Variants in ASRGL1 observed in about 807,000 individuals in gnomAD.
ASRGL1 encodes asparaginase and isoaspartyl peptidase 1.
Under a neutral mutation model 22.4 loss-of-function variants are expected in ASRGL1, and 16 were observed. The observed-to-expected ratio is 0.71, with a 90% CI of 0.48 to 1.08. The LOEUF is 1.08. ASRGL1 is among the 50% of genes least tolerant of loss of function. ASRGL1 has a pLI of 0.00. For synonymous variants in ASRGL1, 165 were observed against 159.3 expected, an observed-to-expected ratio of 1.04 and a Z score of -0.27; for missense variants, 412 against 410.1, an observed-to-expected ratio of 1.00 and a Z score of -0.04.
chr11:62,392,499 G>A lies in ASRGL1; in HGVS notation c.*215G>A, dbSNP rs1261698083. Reference sequence around the variant, plus strand: ...TAGGAGGATTACTTGAGCCCAGGAGGTCAAAGCTGAGGTGAGCCATGATTA... The same window carrying A: ...TAGGAGGATTACTTGAGCCCAGGAGATCAAAGCTGAGGTGAGCCATGATTA... On this transcript the variant is annotated 3_prime_UTR_variant, in exon 7 of 7. Coordinates refer to ENST00000415229, the MANE Select transcript of ASRGL1 (RefSeq NM_001083926.2). 1.7e-6 allele frequency: 1 copy of A among 599,092 alleles called. No individual in the cohort carries two copies. The highest frequency in any genetic ancestry group is 2.9e-6 in the Non-Finnish European group (1 of 342,132). The allele number at this position is 599,092 out of a possible 1,614,324, so 37.1% of individuals were successfully genotyped here. A position where few individuals can be genotyped will look rare whatever the true frequency, so the allele number is the denominator to read the frequency against.
chr11:62,371,570 C>G, intron 4 of ASRGL1: 1 of 692,372 alleles, frequency 1.4e-6, no homozygotes, highest in Admixed American at 1.8e-5. Context: ...CAATACACTG[C>G]GGAAGGCCAC....
chr11:62,380,621 A>G (rs1311432936), intron 4 of ASRGL1, among the ~76,000 whole-genome samples: 1 of 152,128 alleles, frequency 6.6e-6, no homozygotes, highest in East Asian at 1.9e-4. Context: ...AATTGTAAAA[A>G]TTGAGACAGT....
Position 62,340,098 on chromosome 11 carries a change from C to CA in ASRGL1, c.190+1944dup, listed in dbSNP as rs1350499898. 2.2e-3 allele frequency among the ~76,000 whole-genome samples: 272 copies of CA among 124,286 alleles called. 1 individual carries two copies. Among genetic ancestry groups the CA allele is most frequent in the African/African-American group, 4.0e-3 (133 of 33,538 alleles). The allele number at this position is 124,286 out of a possible 152,430, so 81.5% of individuals were successfully genotyped here. On this transcript the variant is annotated intron_variant, in intron 2 of 6. Coordinates refer to ENST00000415229, the MANE Select transcript of ASRGL1 (RefSeq NM_001083926.2). Reference sequence around the variant, plus strand: ...GCAACATGGCAAAACCCCATCTCTACAAAAAAAAAAAAATACAAAAATCAG... The same window carrying CA: ...GCAACATGGCAAAACCCCATCTCTACAAAAAAAAAAAAAATACAAAAATCAG...
intron 2 of ASRGL1, among the ~76,000 whole-genome samples, chr11:62,347,786 C>G (rs1453522345): frequency 6.6e-6 from 1 of 152,050 alleles, no homozygotes; most frequent in Non-Finnish European, 1.5e-5. Flanking sequence ...CAAAAATTAG[C>G]CGGGCATGGT....
downstream of ASRGL1, among the ~76,000 whole-genome samples, chr11:62,397,994 A>G (rs1021410607): frequency 6.6e-6 from 1 of 151,956 alleles, no homozygotes; most frequent in African/African-American, 2.4e-5. Context: ...TCGGCGTCGC[A>G]TCTTCTGCTT....
At chr11:62,382,263 AC>A (rs1947089783) in intron 4 of ASRGL1, 1 of 151,644 alleles carries the variant, frequency 6.6e-6, no homozygotes, top group Non-Finnish European at 1.5e-5. Flanking sequence ...CATACGGAGG[AC>A]CCCCACCGGC....
intron 2 of ASRGL1, among the ~76,000 whole-genome samples, chr11:62,350,129 T>C (rs1946135218): frequency 6.6e-6 from 1 of 152,228 alleles, no homozygotes; most frequent in Non-Finnish European, 1.5e-5. Context: ...AGCCTTATTT[T>C]ACTCAGCTCC....
At chr11:62,397,867 T>G (rs1048578175), downstream of ASRGL1, among the ~76,000 whole-genome samples, 3 of 152,184 alleles carry the variant, frequency 2.0e-5, no homozygotes, top group Admixed American at 6.5e-5. Flanking sequence ...TACCTAATAT[T>G]TGGTCAATAT....
In ASRGL1 at chr11:62,362,675, TATTATATAA is replaced by T. The variant is rs1946496548; in HGVS notation, c.491+5533_491+5541del. On this transcript the variant is annotated intron_variant, in intron 4 of 6. Coordinates refer to ENST00000415229, the MANE Select transcript of ASRGL1 (RefSeq NM_001083926.2). ...TATATTATATAAAATATATAATATA[TATTATATAA>T]AATATATATTATATATTATATAAAA... is the stretch of plus-strand genomic sequence containing the variant. Among the ~76,000 whole-genome samples, 2 of 95,336 alleles carry T rather than the reference TATTATATAA, an allele frequency of 2.1e-5. 1 individual carries two copies. The highest frequency in any genetic ancestry group is 8.5e-5 in the African/African-American group (2 of 23,496). The allele number at this position is 95,336 out of a possible 152,430, so 62.5% of individuals were successfully genotyped here. A position where few individuals can be genotyped will look rare whatever the true frequency, so the allele number is the denominator to read the frequency against.
rs1426958018 is a variant in ASRGL1, at chr11:62,338,197, G to A, written c.190+30G>A. On this transcript the variant is annotated intron_variant, in intron 2 of 6. Transcript: ENST00000415229. ...ATGTGCCTTTCAGCTAGTAAATAAT[G>A]TGAGTCAGGTCAAGCTCCTTCTTCA... is the stretch of plus-strand genomic sequence containing the variant. 6 of 1,505,828 alleles carry A rather than the reference G, an allele frequency of 4.0e-6. No individual in the cohort carries two copies. The African/African-American group carries it at 5.6e-5, about 14-fold the overall frequency. 93.3% of individuals were successfully genotyped at this position (1,505,828 alleles called of 1,614,324 possible).
intron 4 of ASRGL1, among the ~76,000 whole-genome samples, chr11:62,377,285 C>G (rs1397236731): frequency 6.6e-6 from 1 of 152,134 alleles, no homozygotes; most frequent in East Asian, 1.9e-4. Flanking sequence ...CTGTTTCTTA[C>G]AGTTTGTTGT....
rs1376176540 is a variant in ASRGL1 at position 62,350,421 on chromosome 11, C to T, written c.191-5904C>T. On this transcript the variant is annotated intron_variant, in intron 2 of 6. Coordinates refer to ENST00000415229, the MANE Select transcript of ASRGL1 (RefSeq NM_001083926.2). ...ATTCATGAACACGTTTTTATATGAA[C>T]ATAAATGTCCATACCTCTGGGATAA... Among the ~76,000 whole-genome samples, 3 of 152,142 alleles carry T rather than the reference C, an allele frequency of 2.0e-5. No individual in the cohort carries two copies. In the East Asian group the frequency reaches 5.8e-4, roughly 29 times the overall value.
chr11:62,376,269 C>T (rs1946928717), intron 4 of ASRGL1, among the ~76,000 whole-genome samples: 2 of 150,444 alleles, frequency 1.3e-5, no homozygotes, highest in Admixed American at 1.3e-4. Flanking sequence ...TTCGTCTGTT[C>T]TTCTGACATC....
intron 4 of ASRGL1, chr11:62,372,604 G>A (rs534694178): frequency 4.6e-6 from 4 of 873,674 alleles, no homozygotes; most frequent in East Asian, 2.4e-5. Flanking sequence ...ATGGTTATGC[G>A]AGACGTGGCC....
At chr11:62,380,080 C>T (rs950407066) in intron 4 of ASRGL1, among the ~76,000 whole-genome samples, 12 of 152,056 alleles carry the variant, frequency 7.9e-5, no homozygotes, top group Admixed American at 7.2e-4. Context: ...CATTTTCCCC[C>T]AAATGTTCTA....
the ASRGL1 span, among the ~76,000 whole-genome samples, chr11:62,399,255 C>G: frequency 2.0e-5 from 3 of 152,190 alleles, no homozygotes; most frequent in African/African-American, 7.2e-5. Flanking sequence ...CCACTGCTCT[C>G]AAGCACAAAG....
At chr11:62,384,478 T>C (rs1443854922) in intron 4 of ASRGL1, among the ~76,000 whole-genome samples, 2 of 152,070 alleles carry the variant, frequency 1.3e-5, no homozygotes, top group Non-Finnish European at 2.9e-5. Context: ...CATTTCAGCT[T>C]GGGCAAAAGA....
intron 2 of ASRGL1, among the ~76,000 whole-genome samples, chr11:62,350,781 G>A (rs1298603270): frequency 6.6e-6 from 1 of 152,122 alleles, no homozygotes; most frequent in Non-Finnish European, 1.5e-5. Flanking sequence ...GGGCAACAGA[G>A]CAAGACTCTG....
chr11:62,389,318 A>G (rs748783508), intron 5 of ASRGL1, 67 bp downstream of exon 5: 9 of 1,381,744 alleles, frequency 6.5e-6, no homozygotes, highest in South Asian at 3.5e-5. Context: ...CTCACTCTCT[A>G]TTCCCTGCCC....
Sources: allele counts gnomAD v4.1 joint callset (sites outside exome capture counted in the v4.1 genomes callset), GRCh38; gene constraint gnomAD v4.1.1; transcripts MANE v1.5; gene names NCBI Gene and HGNC (gene_info 2026-07-23, HGNC 2026-07-21).